The following CCNJL variants were observed in gnomAD, a reference collection of about 807,000 sequenced individuals.
CCNJL encodes the protein cyclin J like.
In CCNJL, 33 loss-of-function variants were observed where a neutral mutation model predicts 33.4. That is an observed-to-expected ratio of 0.99 (90% CI 0.75 to 1.32). The LOEUF (loss-of-function observed/expected upper bound fraction) is 1.32, where lower values mean the gene tolerates loss of function less well. CCNJL is among the 40% of genes most tolerant of loss of function. The pLI is 0.00. For missense variants in CCNJL, 512 were observed against 499.7 expected, an observed-to-expected ratio of 1.02 and a Z score of -0.23; for synonymous variants, 227 against 220.9, an observed-to-expected ratio of 1.03 and a Z score of -0.24.
At chr5:160,262,256 A>T (rs568825618) in intron 3 of CCNJL, among the ~76,000 whole-genome samples, 3 of 152,284 alleles carry the variant, frequency 2.0e-5, no homozygotes, top group East Asian at 3.9e-4. Flanking sequence ...ATCTCTTAGA[A>T]CTGGCAGATG....
At chr5:160,258,718 G>T in intron 4 of CCNJL, 1 of 707,882 alleles carries the variant, frequency 1.4e-6, no homozygotes, top group East Asian at 2.7e-5. Flanking sequence ...ACAAAAAAAA[G>T]ACAGAGTCTC....
chr5:160,287,285 T>C (rs1762437456), intron 2 of CCNJL, among the ~76,000 whole-genome samples: 1 of 152,172 alleles, frequency 6.6e-6, no homozygotes, highest in Non-Finnish European at 1.5e-5. Flanking sequence ...TTGATCTATC[T>C]CTGTCAAAGG....
At chr5:160,319,569 T>C (rs1338676216) in intron 1 of CCNJL, among the ~76,000 whole-genome samples, 1 of 152,120 alleles carries the variant, frequency 6.6e-6, no homozygotes, top group Non-Finnish European at 1.5e-5. Flanking sequence ...ATCTTTTCCG[T>C]ATTTGTATCC....
intron 1 of CCNJL, among the ~76,000 whole-genome samples, chr5:160,320,962 CTCTG>C (rs1160201191): frequency 1.4e-5 from 2 of 140,412 alleles, no homozygotes; most frequent in African/African-American, 5.5e-5. Context: ...CTTCTCTCCT[CTCTG>C]TCTCTCCCTC....
intron 2 of CCNJL, among the ~76,000 whole-genome samples, chr5:160,291,844 G>A (rs758850164): frequency 1.3e-5 from 2 of 152,166 alleles, no homozygotes; most frequent in Non-Finnish European, 2.9e-5. Context: ...AGTGCTGGGT[G>A]TCCTGCCTTG....
rs993734949 is a variant in CCNJL, at chr5:160,250,241, G to A, written c.*3137C>T. 5 of 152,222 alleles carry A rather than the reference G, an allele frequency of 3.3e-5. No individual in the cohort carries two copies. The highest frequency in any genetic ancestry group is 1.2e-4 in the African/African-American group (5 of 41,452). The allele number at this position is 152,222 out of a possible 1,614,324, so 9.4% of individuals were successfully genotyped here. A position where few individuals can be genotyped will look rare whatever the true frequency, so the allele number is the denominator to read the frequency against. ...TTGACCATCTCCATAGTAACAGATG[G>A]AGAAATGGAAGCCCAAAGAGGGAGG... On this transcript the variant is annotated 3_prime_UTR_variant, in exon 6 of 6. Transcript: ENST00000257536.
intron 3 of CCNJL, among the ~76,000 whole-genome samples, chr5:160,278,755 G>A (rs370013045): frequency 2.0e-4 from 30 of 152,324 alleles, no homozygotes; most frequent in Admixed American, 3.9e-4. Flanking sequence ...TGCCCCCAGC[G>A]GGCCGCGATG....
At chr5:160,263,720 C>T (rs1761446459) in intron 3 of CCNJL, among the ~76,000 whole-genome samples, 2 of 152,092 alleles carry the variant, frequency 1.3e-5, no homozygotes, top group Admixed American at 1.3e-4. Flanking sequence ...TACCAGCTTC[C>T]CTGGGAAATT....
upstream of CCNJL, chr5:160,312,938 T>C (rs1763326365): frequency 1.3e-5 from 2 of 151,868 alleles, no homozygotes; most frequent in Admixed American, 6.5e-5. Flanking sequence ...CTCTCTCTTT[T>C]TTTTTTTTTC....
intron 3 of CCNJL, among the ~76,000 whole-genome samples, chr5:160,278,626 C>T (rs1323559154): frequency 6.6e-6 from 1 of 152,184 alleles, no homozygotes; most frequent in East Asian, 1.9e-4. Context: ...CTGAAACGTC[C>T]CCTCTCTCCG....
At chr5:160,275,313 T>G (rs1761974471) in intron 3 of CCNJL, among the ~76,000 whole-genome samples, 1 of 152,070 alleles carries the variant, frequency 6.6e-6, no homozygotes, top group Non-Finnish European at 1.5e-5. Context: ...CTTGAACTTC[T>G]GATCTCAAGT....
At chr5:160,298,656 C>T (rs1030828492) in intron 2 of CCNJL, among the ~76,000 whole-genome samples, 4 of 152,216 alleles carry the variant, frequency 2.6e-5, no homozygotes, top group East Asian at 1.9e-4. Flanking sequence ...AAGGCCCAGC[C>T]CGTCCTTGTC....
intron 2 of CCNJL, among the ~76,000 whole-genome samples, chr5:160,289,967 T>C (rs1023729994): frequency 6.6e-6 from 1 of 152,154 alleles, no homozygotes; most frequent in Non-Finnish European, 1.5e-5. Context: ...AAGAGAACCA[T>C]ACCTATCACT....
At chr5:160,321,845 T>G (rs1418636788) in intron 1 of CCNJL, among the ~76,000 whole-genome samples, 1 of 151,770 alleles carries the variant, frequency 6.6e-6, no homozygotes, top group Non-Finnish European at 1.5e-5. Flanking sequence ...GGCGACAGAG[T>G]GAGACTCCGT....
chr5:160,277,652 C>G (rs949581806), intron 3 of CCNJL, among the ~76,000 whole-genome samples: 1 of 152,070 alleles, frequency 6.6e-6, no homozygotes, highest in East Asian at 1.9e-4. Context: ...TCCTGTGGCC[C>G]GCAGACATGG....
chr5:160,272,151 C>T (rs746835239), intron 3 of CCNJL, among the ~76,000 whole-genome samples: 27 of 152,304 alleles, frequency 1.8e-4, no homozygotes, highest in Middle Eastern at 6.8e-3. Context: ...TCATCCTTGT[C>T]GACCAGAAAG....
At chr5:160,291,890 T>C (rs1762595339) in intron 2 of CCNJL, among the ~76,000 whole-genome samples, 1 of 152,034 alleles carries the variant, frequency 6.6e-6, no homozygotes, top group African/African-American at 2.4e-5. Context: ...ATATTATGTA[T>C]ATAATATGGT....
chr5:160,305,763 C>A lies in CCNJL; in HGVS notation c.66+6095G>T, dbSNP rs73819805. Among the ~76,000 whole-genome samples, 1,495 of 152,262 alleles carry A rather than the reference C, an allele frequency of 9.8e-3. 32 individuals are homozygous for A. The highest frequency in any genetic ancestry group is 0.034 in the African/African-American group (1,424 of 41,550). On this transcript the variant is annotated intron_variant, in intron 2 of 5. Transcript: ENST00000257536. ...TCCTGTGAGCCTTGCAGTTTCTTGT[C>A]TGTAAACTGGGGTTAATCCTAACAC...
intron 3 of CCNJL, among the ~76,000 whole-genome samples, chr5:160,273,532 G>A (rs1247888456): frequency 6.6e-6 from 1 of 151,870 alleles, no homozygotes; most frequent in East Asian, 1.9e-4. Context: ...GGTGAAAGAA[G>A]AAGACAGAGT....
Sources: allele counts gnomAD v4.1 joint callset (sites outside exome capture counted in the v4.1 genomes callset), GRCh38; gene constraint gnomAD v4.1.1; transcripts MANE v1.5; gene names NCBI Gene and HGNC (gene_info 2026-07-23, HGNC 2026-07-21).